The following PSPC1 variants were observed in gnomAD, a reference collection of about 807,000 sequenced individuals.
PSPC1 encodes the protein paraspeckle component 1.
Under a neutral mutation model 51.6 loss-of-function variants are expected in PSPC1, and 14 were observed. That is an observed-to-expected ratio of 0.27 (90% CI 0.18 to 0.42). The LOEUF is 0.42. Ranked by LOEUF, PSPC1 falls within the 10% of genes least tolerant of loss-of-function variation. The probability of loss-of-function intolerance (pLI) is 1.00; values close to 1 mark genes in which losing one functional copy is unlikely to be tolerated. For missense variants in PSPC1, 406 were observed against 701.1 expected (o/e 0.58, Z 4.75); for synonymous variants, 193 against 231.9 (o/e 0.83, Z 1.53).
At chr13:19,781,336 G>A in intron 1 of PSPC1, among the ~76,000 whole-genome samples, 1 of 152,026 alleles carries the variant, frequency 6.6e-6, no homozygotes, top group South Asian at 2.1e-4. Flanking sequence ...ATTTTTAGTA[G>A]AGATGGAGTT....
chr13:19,727,117 G>A lies in PSPC1; in HGVS notation c.1158+3122C>T, dbSNP rs577987427. ...ACAAGAAAAAGAAACTTCTCAGCTG[G>A]GTGTGGTGGCTCATGCCTGTAATCC... On this transcript the variant is annotated intron_variant, in intron 6 of 8. Transcript: ENST00000338910. 5.9e-5 allele frequency among the ~76,000 whole-genome samples: 9 copies of A among 152,274 alleles called. No homozygotes were observed. The South Asian group carries it at 1.9e-3, about 32-fold the overall frequency.
chr13:19,681,806 C>A (rs1877296451), intron 6 of PSPC1, among the ~76,000 whole-genome samples: 1 of 152,182 alleles, frequency 6.6e-6, no homozygotes, highest in Admixed American at 6.5e-5. Context: ...GACAAAGGCA[C>A]AGACCACAAC....
intron 6 of PSPC1, among the ~76,000 whole-genome samples, chr13:19,692,776 G>A (rs1434511877): frequency 2.0e-5 from 3 of 151,502 alleles, no homozygotes; most frequent in Middle Eastern, 3.2e-3. Flanking sequence ...TCCCTCCTCC[G>A]CCCTCCCAAT....
intron 6 of PSPC1, among the ~76,000 whole-genome samples, chr13:19,717,939 G>A (rs1271889517): frequency 1.3e-5 from 2 of 151,872 alleles, no homozygotes; most frequent in Non-Finnish European, 2.9e-5. Flanking sequence ...AGGGTTTTGG[G>A]GGACCAACGC....
chr13:19,760,500 C>T (rs540497605), intron 2 of PSPC1, among the ~76,000 whole-genome samples: 1 of 151,474 alleles, frequency 6.6e-6, no homozygotes, highest in South Asian at 2.1e-4. Context: ...TGTACTCCAG[C>T]CTGGGCGACA....
chr13:19,699,899 G>C (rs1879697421), downstream of PSPC1, among the ~76,000 whole-genome samples: 1 of 151,968 alleles, frequency 6.6e-6, no homozygotes, highest in African/African-American at 2.4e-5. Flanking sequence ...ATTAGATGTT[G>C]TAACAAAACT....
intron 1 of PSPC1, among the ~76,000 whole-genome samples, chr13:19,774,817 A>AAT (rs1888939433): frequency 6.0e-5 from 9 of 149,228 alleles, no homozygotes; most frequent in South Asian, 2.1e-4. Flanking sequence ...AAAAAAAAAA[A>AAT]ACAAAAAAAA....
Position 19,730,339 on chromosome 13 carries a change from T to C in PSPC1, c.1058A>G (p.Glu353Gly), listed in dbSNP as rs1883895405. 5 of 1,613,870 alleles carry C rather than the reference T, an allele frequency of 3.1e-6. No individual in the cohort carries two copies. Among genetic ancestry groups the C allele is most frequent in the Non-Finnish European group, 4.2e-6 (5 of 1,179,968 alleles). Residue 353 changes from glutamate (E) to glycine (G), a missense_variant, in exon 6 of 9, where the codon GAA becomes GGA. Glu to Gly is a moderately conservative substitution (Grantham distance 98, BLOSUM62 -2). Around this residue, in one of 5 missense-constraint regions of PSPC1, gnomAD observed 61 missense variants for 78.4 expected, o/e 0.78. Transcript: ENST00000338910. The stretch of plus-strand genomic sequence containing the variant: ...TTCCTCACGCCGCCGATGCTCCTCT[T>C]CATGTCTGAAAATTTTTCAAATAAA... ...QKRKQIQLRH[E>G]EEHRRREEEM...
intron 2 of PSPC1, among the ~76,000 whole-genome samples, chr13:19,763,421 G>T (rs569000889): frequency 5.9e-5 from 9 of 152,144 alleles, no homozygotes; most frequent in Non-Finnish European, 1.2e-4. Flanking sequence ...TGAAGTTACT[G>T]CTTGGGTTTT....
At chr13:19,695,775 G>A (rs1243142088) in intron 6 of PSPC1, among the ~76,000 whole-genome samples, 2 of 151,680 alleles carry the variant, frequency 1.3e-5, no homozygotes, top group Non-Finnish European at 2.9e-5. Flanking sequence ...ACTGATTTTT[G>A]TAGAGATGTA....
intron 6 of PSPC1, among the ~76,000 whole-genome samples, chr13:19,725,133 C>A (rs1005672878): frequency 1.3e-5 from 2 of 152,106 alleles, no homozygotes; most frequent in Non-Finnish European, 2.9e-5. Context: ...GCCAAGATCA[C>A]GCCACTGAAC....
At position 19,768,047 on chromosome 13, in the gene PSPC1, A is replaced by G. The variant is rs142111491; in HGVS notation, c.674+4195T>C. ...AGCCTGGGTGACATAGCAAGACCTC[A>G]TATCTACTTTAAAAAAAAATTCAAA... On this transcript the variant is annotated intron_variant, in intron 2 of 8. Transcript: ENST00000338910. 2.8e-3 allele frequency among the ~76,000 whole-genome samples: 429 copies of G among 151,818 alleles called. 1 individual carries two copies. The highest frequency in any genetic ancestry group is 5.3e-3 in the Non-Finnish European group (361 of 67,946).
rs569554249 is a variant in PSPC1 at position 19,741,094 on chromosome 13, G to A, written c.1052+471C>T. On this transcript the variant is annotated intron_variant, in intron 5 of 8. Coordinates refer to ENST00000338910, the MANE Select transcript of PSPC1 (RefSeq NM_001354909.2). ...TCACCATGTTGGCCAAGCTGGTCTC[G>A]AACTCCTGACCTCATGTGATCTGCC... Among the ~76,000 whole-genome samples the A allele has an allele frequency of 6.6e-5, 10 of 152,156 alleles. No individual in the cohort carries two copies. The South Asian group carries it at 1.2e-3, about 19-fold the overall frequency.
At chr13:19,762,350 G>A (rs928811957) in intron 2 of PSPC1, among the ~76,000 whole-genome samples, 1 of 152,158 alleles carries the variant, frequency 6.6e-6, no homozygotes, top group South Asian at 2.1e-4. Context: ...GAGGTCAGGA[G>A]TTTGAGACCA....
chr13:19,750,459 A>AT (rs1886424608), intron 4 of PSPC1, among the ~76,000 whole-genome samples: 8 of 148,526 alleles, frequency 5.4e-5, no homozygotes, highest in East Asian at 2.0e-4. Context: ...AACAAACAAA[A>AT]ATATATATAT....
At chr13:19,686,951 C>T (rs1039355336) in intron 6 of PSPC1, among the ~76,000 whole-genome samples, 1 of 152,176 alleles carries the variant, frequency 6.6e-6, no homozygotes, top group African/African-American at 2.4e-5. Flanking sequence ...AATCCCTGCA[C>T]TTTGGGAGGC....
chr13:19,738,668 G>A (rs1009463438), intron 5 of PSPC1, among the ~76,000 whole-genome samples: 1 of 152,178 alleles, frequency 6.6e-6, no homozygotes, highest in African/African-American at 2.4e-5. Context: ...AGCACTTTGG[G>A]AGGCTGAGGC....
chr13:19,735,625 G>A (rs949779975), intron 5 of PSPC1, among the ~76,000 whole-genome samples: 1 of 152,138 alleles, frequency 6.6e-6, no homozygotes, highest in East Asian at 1.9e-4. Flanking sequence ...TCCAACTAAA[G>A]TAAAGCACAA....
chr13:19,778,242 A>C (rs79715883), intron 1 of PSPC1, among the ~76,000 whole-genome samples: 1 of 148,792 alleles, frequency 6.7e-6, no homozygotes, highest in South Asian at 2.1e-4. Context: ...TTCCGTCTCA[A>C]AAAAAAAAAA....
Sources: allele counts gnomAD v4.1 joint callset (sites outside exome capture counted in the v4.1 genomes callset), GRCh38; gene constraint gnomAD v4.1.1; regional missense constraint gnomAD v4.1.1; transcripts MANE v1.5; gene names NCBI Gene and HGNC (gene_info 2026-07-23, HGNC 2026-07-21).